Variants in GJB7 observed in about 807,000 individuals in gnomAD.
GJB7 encodes the protein gap junction beta-7 protein.
For missense variants in GJB7, 253 were observed against 256.8 expected (o/e 0.99, Z 0.10); for synonymous variants, 87 against 95.2 (o/e 0.91, Z 0.50).
At chr6:87,307,923 A>C (rs1776455878) in intron 2 of GJB7, among the ~76,000 whole-genome samples, 1 of 152,246 alleles carries the variant, frequency 6.6e-6, no homozygotes, top group Non-Finnish European at 1.5e-5. Context: ...GGACACAGGC[A>C]CACGTATGTT....
Position 87,320,543 on chromosome 6 carries a change from G to C in GJB7, c.-28+2323C>G, listed in dbSNP as rs74524722. Among the ~76,000 whole-genome samples, 942 of 152,288 alleles carry C rather than the reference G, an allele frequency of 6.2e-3. 13 individuals carry two copies. Among genetic ancestry groups the C allele is most frequent in the African/African-American group, 0.022 (906 of 41,542 alleles). On this transcript the variant is annotated intron_variant, in intron 2 of 2. Transcript: ENST00000525899. ...ACCAATGTTAAGGACCATGGCCTGT[G>C]ACACAGCCTCAGGCAGTCCTGAGAA... is the stretch of plus-strand genomic sequence containing the variant.
chr6:87,313,231 AAG>A (rs2127908460), intron 2 of GJB7, among the ~76,000 whole-genome samples: 1 of 152,324 alleles, frequency 6.6e-6, no homozygotes, highest in East Asian at 1.9e-4. Flanking sequence ...CAGGAGAAGA[AAG>A]GGGATAAAAA....
chr6:87,301,740 G>A lies in GJB7; in HGVS notation c.-27-16801C>T, dbSNP rs570813209. Among the ~76,000 whole-genome samples, 31 of 152,318 alleles carry A rather than the reference G, an allele frequency of 2.0e-4. 1 individual carries two copies. The highest frequency in any genetic ancestry group is 6.5e-4 in the Admixed American group (10 of 15,306). ...ACGGACAGACTGCTTCCTCAAGTGG[G>A]ACCCTGACCCCGGAGTAGCCTAACT... On this transcript the variant is annotated intron_variant, in intron 2 of 2. Transcript: ENST00000525899.
At chr6:87,295,949 T>A (rs1409179134) in intron 2 of GJB7, among the ~76,000 whole-genome samples, 1 of 152,242 alleles carries the variant, frequency 6.6e-6, no homozygotes, top group Non-Finnish European at 1.5e-5. Flanking sequence ...CTTTCAGGGT[T>A]TGACAGGGCT....
At chr6:87,328,316 A>C (rs1282690587) in intron 1 of GJB7, among the ~76,000 whole-genome samples, 3 of 152,048 alleles carry the variant, frequency 2.0e-5, no homozygotes, top group Non-Finnish European at 4.4e-5. Context: ...CCTTTGGAGG[A>C]GGAGAGGCAC....
chr6:87,324,516 T>C (rs1160750586), intron 1 of GJB7, among the ~76,000 whole-genome samples: 1 of 150,944 alleles, frequency 6.6e-6, no homozygotes, highest in African/African-American at 2.5e-5. Context: ...GCACCATTTA[T>C]TAAATAGGGA....
At chr6:87,313,764 A>G (rs1398033000) in intron 2 of GJB7, among the ~76,000 whole-genome samples, 1 of 152,260 alleles carries the variant, frequency 6.6e-6, no homozygotes, top group African/African-American at 2.4e-5. Flanking sequence ...CATGTAGGTC[A>G]GCGTTTCTGA....
Position 87,284,793 on chromosome 6 carries a change from T to G in GJB7, c.120A>C (p.Ala40=). 6.2e-7 allele frequency: 1 copy of G among 1,614,182 alleles called. No individual in the cohort carries two copies. The highest frequency in any genetic ancestry group is 8.5e-7 in the Non-Finnish European group (1 of 1,180,032). ...TCTGCTCATCTTTCCACACGTGCTC[T>G]GCTGCCACCATGTAGACCAGCAAAC... The part of the protein sequence containing the change: ...VFRLLVYMVA[A]EHVWKDEQKE... Residue 40 remains alanine, a synonymous_variant, in exon 3 of 3, where the codon GCA becomes GCC. Coordinates refer to ENST00000525899, the MANE Select transcript of GJB7 (RefSeq NM_198568.3).
At chr6:87,301,992 C>A (rs1776335992) in intron 2 of GJB7, among the ~76,000 whole-genome samples, 1 of 152,188 alleles carries the variant, frequency 6.6e-6, no homozygotes, top group Admixed American at 6.5e-5. Flanking sequence ...GGAAAACTAA[C>A]AAACACAAAG....
chr6:87,285,073 A>G, intron 2 of GJB7, 134 bp from the exon 3 acceptor site: 8 of 620,542 alleles, frequency 1.3e-5, no homozygotes, highest in Non-Finnish European at 2.2e-5. Context: ...GCTCTCTAAG[A>G]ATCCCGAAGG....
intron 2 of GJB7, among the ~76,000 whole-genome samples, chr6:87,311,565 T>A (rs532079829): frequency 6.6e-6 from 1 of 152,324 alleles, no homozygotes; most frequent in Admixed American, 6.5e-5. Flanking sequence ...GGCAGGTATT[T>A]CAAGGTGGGG....
chr6:87,314,485 G>A (rs1486953390), intron 2 of GJB7, among the ~76,000 whole-genome samples: 2 of 152,204 alleles, frequency 1.3e-5, no homozygotes, highest in Non-Finnish European at 2.9e-5. Flanking sequence ...CTGTGCCTCA[G>A]CACCTTGAGA....
chr6:87,301,593 C>T (rs905726711), intron 2 of GJB7, among the ~76,000 whole-genome samples: 1 of 152,176 alleles, frequency 6.6e-6, no homozygotes, highest in African/African-American at 2.4e-5. Flanking sequence ...TATAGACTCC[C>T]CCTCTGGAGG....
rs73754184 is a variant in GJB7 at position 87,299,137 on chromosome 6, C to T, written c.-27-14198G>A. The T allele has an allele frequency of 6.1e-3, 2,873 of 472,352 alleles. 67 individuals are homozygous for T. Among genetic ancestry groups the T allele is most frequent in the African/African-American group, 0.049 (2,476 of 50,060 alleles). The allele number at this position is 472,352 out of a possible 1,614,324, so 29.3% of individuals were successfully genotyped here. On this transcript the variant is annotated intron_variant, in intron 2 of 2. Coordinates refer to ENST00000525899, the MANE Select transcript of GJB7 (RefSeq NM_198568.3). ...TGCCATGCTCTTTTGCCAAGAAAGG[C>T]TTTGAAAAGATTAGCAAAAGTGCTA...
intron 2 of GJB7, among the ~76,000 whole-genome samples, chr6:87,317,015 T>TATA (rs140178515): frequency 0.017 from 2,519 of 152,218 alleles, 59 homozygotes; most frequent in African/African-American, 0.058. Context: ...CCAAACAACA[T>TATA]ATAATTCTCT....
rs1368747115 is a variant in GJB7 at position 87,299,136 on chromosome 6, G to C, written c.-27-14197C>G. On this transcript the variant is annotated intron_variant, in intron 2 of 2. Transcript: ENST00000525899. ...CTGCCATGCTCTTTTGCCAAGAAAG[G>C]CTTTGAAAAGATTAGCAAAAGTGCT... is the stretch of plus-strand genomic sequence containing the variant. 1.1e-5 allele frequency: 5 copies of C among 471,940 alleles called. No homozygotes were observed. The East Asian group carries it at 3.0e-4, about 28-fold the overall frequency. The allele number at this position is 471,940 out of a possible 1,614,324, so 29.2% of individuals were successfully genotyped here. A position where few individuals can be genotyped will look rare whatever the true frequency, so the allele number is the denominator to read the frequency against.
chr6:87,328,828 A>G (rs1450167472), intron 1 of GJB7, among the ~76,000 whole-genome samples: 4 of 152,200 alleles, frequency 2.6e-5, no homozygotes, highest in South Asian at 4.1e-4. Context: ...AGCCTGGGCA[A>G]TGGCGGGCGC....
At chr6:87,323,065 T>C (rs1776710382) in intron 1 of GJB7, 22 bp from the exon 2 acceptor site, 1 of 141,656 alleles carries the variant, frequency 7.1e-6, no homozygotes, top group Admixed American at 6.7e-5. Context: ...TGTGTAGAAC[T>C]TAACGGAATG....
At chr6:87,292,250 A>G (rs922917182) in intron 2 of GJB7, among the ~76,000 whole-genome samples, 4 of 152,370 alleles carry the variant, frequency 2.6e-5, no homozygotes, top group East Asian at 3.9e-4. Context: ...CTACACAAAG[A>G]AGCTGGAACA....
Sources: allele counts gnomAD v4.1 joint callset (sites outside exome capture counted in the v4.1 genomes callset), GRCh38; gene constraint gnomAD v4.1.1; transcripts MANE v1.5; gene names NCBI Gene and HGNC (gene_info 2026-07-23, HGNC 2026-07-21).